The following NWD1 variants were observed in gnomAD, a reference collection of about 807,000 sequenced individuals.
The protein encoded by NWD1 is NACHT and WD repeat domain containing 1.
In NWD1, 129 loss-of-function variants were observed where a neutral mutation model predicts 135.1. That is an observed-to-expected ratio of 0.96 (90% CI 0.83 to 1.11). NWD1 has a LOEUF of 1.11. NWD1 is among the 50% of genes least tolerant of loss of function. The pLI is 0.00. For synonymous variants in NWD1, 773 were observed against 786.0 expected (o/e 0.98, Z 0.28); for missense variants, 1,740 against 1,851.3 (o/e 0.94, Z 1.10).
chr19:16,744,080 T>C (rs533685291), intron 4 of NWD1, among the ~76,000 whole-genome samples: 14 of 152,202 alleles, frequency 9.2e-5, no homozygotes, highest in African/African-American at 3.1e-4. Context: ...ACTTATATAT[T>C]GAATTGGAGA....
chr19:16,768,130 G>A (rs1317651819), intron 10 of NWD1, among the ~76,000 whole-genome samples: 2 of 151,880 alleles, frequency 1.3e-5, no homozygotes, highest in Non-Finnish European at 2.9e-5. Flanking sequence ...GAGTAGCTGG[G>A]ATTACAGGTG....
In NWD1 at chr19:16,750,248, C is replaced by T. The variant is rs752496128; in HGVS notation, c.1606C>T (p.Leu536=). The part of the protein sequence containing the change: ...SLPECGNPGR[L]RLAFEEARKW... Reference sequence around the variant, plus strand: ...CCCAGAGTGTGGGAACCCAGGGCGGCTGAGGCTGGCGTTTGAGGAAGCCCG... The same window carrying T: ...CCCAGAGTGTGGGAACCCAGGGCGGTTGAGGCTGGCGTTTGAGGAAGCCCG... The change falls in exon 6 of 19, where the codon CTG becomes TTG. Residue 536 remains leucine (L), a synonymous_variant. Transcript: ENST00000524140. 5 of 1,613,624 alleles carry T rather than the reference C, an allele frequency of 3.1e-6. No homozygotes were observed. The South Asian group carries it at 4.4e-5, about 14-fold the overall frequency.
chr19:16,778,760 C>T (rs961720637), intron 11 of NWD1, among the ~76,000 whole-genome samples: 8 of 152,118 alleles, frequency 5.3e-5, no homozygotes, highest in Non-Finnish European at 8.8e-5. Context: ...CCGCCCACCT[C>T]GGCCTCCCAA....
intron 12 of NWD1, among the ~76,000 whole-genome samples, chr19:16,784,474 A>G (rs1969970343): frequency 6.6e-6 from 1 of 152,070 alleles, no homozygotes; most frequent in African/African-American, 2.4e-5. Flanking sequence ...GCATCTGTGG[A>G]TTTTGGTATC....
chr19:16,800,116 C>G lies in NWD1; in HGVS notation c.3690C>G (p.Pro1230=). 1 of 1,613,804 alleles carries G rather than the reference C, an allele frequency of 6.2e-7. No individual in the cohort carries two copies. The highest frequency in any genetic ancestry group is 1.1e-5 in the South Asian group (1 of 91,072). The change falls in exon 17 of 19, where the codon CCC becomes CCG. Residue 1230 remains proline (P), a synonymous_variant. Coordinates refer to ENST00000524140, the MANE Select transcript of NWD1 (RefSeq NM_001007525.5). ...VSHNGSYVYF[P]KIGDKNKVTI... is the part of the protein sequence containing the mutation. ...ACAATGGAAGCTACGTCTACTTCCCCAAAATTGGGGACAAAAACAAAGTCA... is the reference window on the plus strand; with the variant it reads ...ACAATGGAAGCTACGTCTACTTCCCGAAAATTGGGGACAAAAACAAAGTCA...
At chr19:16,814,986 AC>A in intron 18 of NWD1, 41 bp from the exon 19 acceptor site, 9 of 1,592,216 alleles carry the variant, frequency 5.7e-6, no homozygotes, top group Non-Finnish European at 6.9e-6. Context: ...GGACCTCTAC[AC>A]CCCATTTTTC....
intron 13 of NWD1, among the ~76,000 whole-genome samples, chr19:16,790,963 G>A (rs979551548): frequency 6.6e-6 from 1 of 152,120 alleles, no homozygotes; most frequent in African/African-American, 2.4e-5. Context: ...CGGGTGCAGT[G>A]GCTCACACTC....
intron 2 of NWD1, among the ~76,000 whole-genome samples, chr19:16,728,911 T>C (rs1967440316): frequency 7.7e-6 from 1 of 129,912 alleles, no homozygotes. Flanking sequence ...GCCACTGCAC[T>C]CCAGCCTGGG....
chr19:16,786,584 T>C (rs1970048097), intron 12 of NWD1, among the ~76,000 whole-genome samples: 1 of 151,868 alleles, frequency 6.6e-6, no homozygotes, highest in Non-Finnish European at 1.5e-5. Flanking sequence ...TCTCACTCTG[T>C]TGCCCAGGCT....
chr19:16,755,175 T>C (rs1968740824), intron 6 of NWD1, among the ~76,000 whole-genome samples: 1 of 152,160 alleles, frequency 6.6e-6, no homozygotes, highest in Non-Finnish European at 1.5e-5. Context: ...TATCTCTCTA[T>C]TTCTCATCTA....
chr19:16,762,519 A>T (rs1599485639), intron 8 of NWD1, among the ~76,000 whole-genome samples: 1 of 151,366 alleles, frequency 6.6e-6, no homozygotes, highest in Non-Finnish European at 1.5e-5. Context: ...CTGGTCTCGA[A>T]CTCCTGCCTG....
chr19:16,756,375 G>A (rs1968798049), intron 6 of NWD1, among the ~76,000 whole-genome samples: 1 of 152,194 alleles, frequency 6.6e-6, no homozygotes, highest in South Asian at 2.1e-4. Flanking sequence ...GGAGGAAGAG[G>A]GGAGGAGGAG....
At chr19:16,739,791 G>A (rs1302511387) in intron 4 of NWD1, among the ~76,000 whole-genome samples, 1 of 152,156 alleles carries the variant, frequency 6.6e-6, no homozygotes, top group Non-Finnish European at 1.5e-5. Context: ...TGTCTCTTGG[G>A]CTATCAGCAG....
rs140336112 is a variant in NWD1 at position 16,782,687 on chromosome 19, C to T, written c.2731+3222C>T. Among the ~76,000 whole-genome samples, 77 of 151,966 alleles carry T rather than the reference C, an allele frequency of 5.1e-4. 1 individual carries two copies. The highest frequency in any genetic ancestry group is 1.8e-3 in the Admixed American group (27 of 15,232). On this transcript the variant is annotated intron_variant, in intron 12 of 18. Transcript: ENST00000524140. ...TGGGTTTTGCATCTATAGATTCAAC[C>T]GACTGTGGATTGAAAATATTTGGAA...
chr19:16,792,339 C>T (rs548065944), intron 14 of NWD1, among the ~76,000 whole-genome samples: 91 of 151,786 alleles, frequency 6.0e-4, no homozygotes, highest in African/African-American at 2.1e-3. Context: ...GTCAGGAGTT[C>T]GAGACCAGCC....
At chr19:16,746,389 A>C (rs1339105551) in intron 5 of NWD1, among the ~76,000 whole-genome samples, 1 of 130,204 alleles carries the variant, frequency 7.7e-6, no homozygotes, top group African/African-American at 2.9e-5. Context: ...CAACATAAAC[A>C]GTTGGCCGGG....
intron 5 of NWD1, among the ~76,000 whole-genome samples, chr19:16,745,890 A>G (rs533876074): frequency 2.6e-4 from 39 of 152,182 alleles, no homozygotes; most frequent in Non-Finnish European, 5.3e-4. Context: ...GCACTCCAGC[A>G]TGGGTGACAG....
intron 2 of NWD1, among the ~76,000 whole-genome samples, chr19:16,725,051 G>A (rs1045937611): frequency 3.3e-5 from 5 of 150,504 alleles, no homozygotes; most frequent in South Asian, 2.1e-4. Flanking sequence ...TCACTCTGTC[G>A]CCCAGGCTGG....
At chr19:16,757,447 A>G (rs73521241) in intron 6 of NWD1, among the ~76,000 whole-genome samples, 6,640 of 152,252 alleles carry the variant, frequency 0.044, 476 homozygotes, top group African/African-American at 0.15. Context: ...AAGAGTTCAG[A>G]AAAAGAGGAA....
Sources: allele counts gnomAD v4.1 joint callset (sites outside exome capture counted in the v4.1 genomes callset), GRCh38; gene constraint gnomAD v4.1.1; transcripts MANE v1.5; gene names NCBI Gene and HGNC (gene_info 2026-07-23, HGNC 2026-07-21).